Variants in COL23A1 observed in about 807,000 individuals in gnomAD.
COL23A1 encodes collagen type XXIII alpha 1 chain.
COL23A1 carries 97 observed loss-of-function variants against 99.3 expected under a neutral mutation model. The observed-to-expected ratio is 0.98, with a 90% confidence interval of 0.83 to 1.16. COL23A1 has a LOEUF of 1.16. COL23A1 is among the 50% of genes most tolerant of loss of function. COL23A1 has a pLI of 0.00. For synonymous variants in COL23A1, 320 were observed against 308.2 expected, an observed-to-expected ratio of 1.04 and a Z score of -0.40; for missense variants, 762 against 757.4, an observed-to-expected ratio of 1.01 and a Z score of -0.07.
In COL23A1 at chr5:178,309,425, C is replaced by T. The variant is rs1455173808; in HGVS notation, c.362-2506G>A. ...AGGCCAGGCAGGCTGGATGTGACCCCGACTGAATAGGGCCCTCGTGGAGGG... is the reference window on the plus strand; with the variant it reads ...AGGCCAGGCAGGCTGGATGTGACCCTGACTGAATAGGGCCCTCGTGGAGGG... On this transcript the variant is annotated intron_variant, in intron 2 of 28. Transcript: ENST00000390654. This position sits in a 1 kb window ranked among gnomAD's most constrained non-coding sequence, Gnocchi z 4.7. Among the ~76,000 whole-genome samples the T allele has an allele frequency of 1.3e-5, 2 of 152,104 alleles. No homozygotes were observed. Among genetic ancestry groups the T allele is most frequent in the Admixed American group, 6.5e-5 (1 of 15,284 alleles).
Position 178,589,811 on chromosome 5 carries a change from C to T in COL23A1, c.294+93G>A. 8.6e-7 allele frequency: 1 copy of T among 1,163,846 alleles called. No individual in the cohort carries two copies. Among genetic ancestry groups the T allele is most frequent in the Non-Finnish European group, 1.1e-6 (1 of 927,858 alleles). 72.1% of individuals were successfully genotyped at this position (1,163,846 alleles called of 1,614,324 possible). A position where few individuals can be genotyped will look rare whatever the true frequency, so the allele number is the denominator to read the frequency against. ...CGCAGCCGGCGGGCGACCCTCCTCC[C>T]AGAGACCTGCACGCTGCCCCCGGCT... On this transcript the variant is annotated intron_variant, in intron 1 of 28. Coordinates refer to ENST00000390654, the MANE Select transcript of COL23A1 (RefSeq NM_173465.4). The surrounding 1 kb of genome is among the most constrained non-coding windows in gnomAD (Gnocchi z 5.4).
chr5:178,261,315 G>A (rs1765611707), intron 11 of COL23A1, among the ~76,000 whole-genome samples: 1 of 152,074 alleles, frequency 6.6e-6, no homozygotes, highest in Non-Finnish European at 1.5e-5. Context: ...TCAGGAGGCT[G>A]AGGCAGGAGA....
intron 2 of COL23A1, among the ~76,000 whole-genome samples, chr5:178,419,972 G>A (rs112774055): frequency 0.071 from 10,846 of 152,184 alleles, 840 homozygotes; most frequent in African/African-American, 0.19. Context: ...AGGCACCCCT[G>A]GAGTCTCTCT....
chr5:178,333,538 G>A (rs908265539), intron 2 of COL23A1, among the ~76,000 whole-genome samples: 1 of 152,168 alleles, frequency 6.6e-6, no homozygotes. Flanking sequence ...CAACATGCCT[G>A]TGCGGCCTGG....
At chr5:178,311,484 C>CTGTGTGTGTGTG (rs1006253790) in intron 2 of COL23A1, among the ~76,000 whole-genome samples, 52 of 58,180 alleles carry the variant, frequency 8.9e-4, no homozygotes, top group African/African-American at 3.0e-3. Flanking sequence ...GTTCTTTCCT[C>CTGTGTGTGTGTG]TGTGTGTGTG....
At chr5:178,258,262 T>TATATATACATATACATAC in intron 12 of COL23A1, among the ~76,000 whole-genome samples, 1 of 104,128 alleles carries the variant, frequency 9.6e-6, no homozygotes, top group East Asian at 2.5e-4. Flanking sequence ...TATATATATA[T>TATATATACATATACATAC]ACACATGCAA....
intron 2 of COL23A1, among the ~76,000 whole-genome samples, chr5:178,495,653 G>C (rs1227602106): frequency 2.6e-5 from 4 of 152,072 alleles, no homozygotes; most frequent in African/African-American, 9.7e-5. Flanking sequence ...GAAGAAGCTG[G>C]TCAAGGAGAG....
chr5:178,448,973 T>A (rs1046820306), intron 2 of COL23A1, among the ~76,000 whole-genome samples: 50 of 151,184 alleles, frequency 3.3e-4, no homozygotes, highest in Admixed American at 1.2e-3. Context: ...TTTTTCTTTT[T>A]AAAATAATTT....
At chr5:178,251,950 G>C (rs1289509413) in intron 17 of COL23A1, among the ~76,000 whole-genome samples, 1 of 89,514 alleles carries the variant, frequency 1.1e-5, no homozygotes, top group Non-Finnish European at 2.2e-5. Context: ...TTTTGCTCTT[G>C]TTGCCCAGGC....
chr5:178,423,968 GC>G (rs1019397237), intron 2 of COL23A1, among the ~76,000 whole-genome samples: 4 of 152,182 alleles, frequency 2.6e-5, no homozygotes, highest in African/African-American at 9.7e-5. Context: ...GGTGGAAAAA[GC>G]CCATTTTACA....
At chr5:178,508,867 T>C (rs1759032357) in intron 2 of COL23A1, among the ~76,000 whole-genome samples, 1 of 152,286 alleles carries the variant, frequency 6.6e-6, no homozygotes, top group South Asian at 2.1e-4. Context: ...TGCCTTCTTC[T>C]CCCCATCATA....
At chr5:178,314,061 T>A (rs1055599282) in intron 2 of COL23A1, among the ~76,000 whole-genome samples, 1 of 151,974 alleles carries the variant, frequency 6.6e-6, no homozygotes, top group African/African-American at 2.4e-5. Context: ...GGTGGGTGTC[T>A]CTAAGGTGGG....
In COL23A1 at chr5:178,247,285, C is replaced by G. The variant is rs1391673552; in HGVS notation, c.1296+241G>C. Among the ~76,000 whole-genome samples the G allele has an allele frequency of 2.0e-5, 3 of 152,042 alleles. No homozygotes were observed. The East Asian group carries it at 5.8e-4, about 29-fold the overall frequency. On this transcript the variant is annotated intron_variant, in intron 22 of 28. Coordinates refer to ENST00000390654, the MANE Select transcript of COL23A1 (RefSeq NM_173465.4). ...GACCTGAGGAGGAGAGAGGGACAGACTGGGGTCCCGGGCAGAGGGAGAAAG... is the reference window on the plus strand; with the variant it reads ...GACCTGAGGAGGAGAGAGGGACAGAGTGGGGTCCCGGGCAGAGGGAGAAAG...
At chr5:178,297,242 T>A (rs1419718000) in intron 3 of COL23A1, among the ~76,000 whole-genome samples, 1 of 152,232 alleles carries the variant, frequency 6.6e-6, no homozygotes, top group African/African-American at 2.4e-5. Context: ...AAGACAAGGC[T>A]GGGCATGGTG....
At chr5:178,458,136 T>C (rs548604722) in intron 2 of COL23A1, among the ~76,000 whole-genome samples, 48 of 2,872 alleles carry the variant, frequency 0.017, no homozygotes, top group Admixed American at 0.071. Context: ...ATGAGAACCC[T>C]TGGGTGTCAG....
intron 1 of COL23A1, 64 bp from the exon 2 acceptor site, chr5:178,560,812 A>G: frequency 2.0e-6 from 3 of 1,502,984 alleles, no homozygotes; most frequent in East Asian, 2.4e-5. Flanking sequence ...AGAGAGGGGT[A>G]AAAGTGGAAA....
chr5:178,451,631 T>C (rs1469452390), intron 2 of COL23A1, among the ~76,000 whole-genome samples: 1 of 121,722 alleles, frequency 8.2e-6, no homozygotes, highest in African/African-American at 3.3e-5. Flanking sequence ...CACTAGAGCC[T>C]GGGCGACAGA....
At chr5:178,580,433 C>T (rs1233325960) in intron 1 of COL23A1, among the ~76,000 whole-genome samples, 1 of 150,014 alleles carries the variant, frequency 6.7e-6, no homozygotes, top group East Asian at 1.9e-4. Context: ...TAGAAGTACG[C>T]CGACACGTGA....
chr5:178,558,425 G>C lies in COL23A1; in HGVS notation c.361+2257C>G, dbSNP rs554621278. ...TTCTCCCACTCTCCAGCCATCATCTGTCTTGGGGACTTTCAAGCCTTCTGT... is the reference window on the plus strand; with the variant it reads ...TTCTCCCACTCTCCAGCCATCATCTCTCTTGGGGACTTTCAAGCCTTCTGT... On this transcript the variant is annotated intron_variant, in intron 2 of 28. Coordinates refer to ENST00000390654, the MANE Select transcript of COL23A1 (RefSeq NM_173465.4). Among the ~76,000 whole-genome samples, 17 of 152,240 alleles carry C rather than the reference G, an allele frequency of 1.1e-4. 1 individual carries two copies. The South Asian group carries it at 3.5e-3, about 32-fold the overall frequency.
Sources: gnomAD v4.1 joint callset for allele counts (sites outside exome capture counted in the v4.1 genomes callset) on GRCh38, gnomAD v4.1.1 for gene constraint, Gnocchi (gnomAD v3.1) non-coding constraint, MANE v1.5 for transcripts, NCBI Gene and HGNC (gene_info 2026-07-23, HGNC 2026-07-21) for gene names.